Variants in NAGPA observed in about 807,000 individuals in gnomAD.
The protein encoded by NAGPA is alpha-N-acetylglucosaminyl phosphodiesterase.
Under a neutral mutation model 48.5 loss-of-function variants are expected in NAGPA, and 56 were observed. The observed-to-expected ratio is 1.15, with a 90% CI of 0.93 to 1.44. NAGPA has a LOEUF of 1.44. Among genes scored for constraint, NAGPA ranks in the 40% most tolerant of loss-of-function variants. NAGPA has a pLI of 0.00. For missense variants in NAGPA, 888 were observed against 735.0 expected (o/e 1.21, Z -2.41); for synonymous variants, 399 against 315.5 (o/e 1.26, Z -2.81).
In NAGPA at chr16:5,033,147, A is replaced by G; in HGVS notation, c.542+126T>C. 1.8e-6 allele frequency: 2 copies of G among 1,119,380 alleles called. No individual in the cohort carries two copies. Among genetic ancestry groups the G allele is most frequent in the Non-Finnish European group, 2.6e-6 (2 of 774,934 alleles). 69.3% of individuals were successfully genotyped at this position (1,119,380 alleles called of 1,614,324 possible). A position where few individuals can be genotyped will look rare whatever the true frequency, so the allele number is the denominator to read the frequency against. On this transcript the variant is annotated intron_variant, in intron 2 of 9. Coordinates refer to ENST00000312251, the MANE Select transcript of NAGPA (RefSeq NM_016256.4). This position sits in a 1 kb window ranked among gnomAD's most constrained non-coding sequence, Gnocchi z 4.2. ...TAAACTCTGCAAGGAAGCGATTCCT[A>G]TCCCCATTCTGCAGAGGAGGAAACA...
rs1179086029 is a variant in NAGPA at position 5,033,014 on chromosome 16, T to G, written c.542+259A>C. ...ACCCGGCTTTTGTTGATTTTTCTAG[T>G]AATGGGGGAGGGCTGTTAAGGCAAA... On this transcript the variant is annotated intron_variant, in intron 2 of 9. Transcript: ENST00000312251. This position sits in a 1 kb window ranked among gnomAD's most constrained non-coding sequence, Gnocchi z 4.2. 1 of 577,776 alleles carries G rather than the reference T, an allele frequency of 1.7e-6. No homozygotes were observed. Among genetic ancestry groups the G allele is most frequent in the Non-Finnish European group, 3.1e-6 (1 of 326,034 alleles). 35.8% of individuals were successfully genotyped at this position (577,776 alleles called of 1,614,324 possible). A position where few individuals can be genotyped will look rare whatever the true frequency, so the allele number is the denominator to read the frequency against.
rs745992348 is a variant in NAGPA, at chr16:5,033,410, G to T, written c.405C>A (p.Ala135=). Residue 135 remains alanine (A), a synonymous_variant, in exon 2 of 10, where the codon GCC becomes GCA. Coordinates refer to ENST00000312251, the MANE Select transcript of NAGPA (RefSeq NM_016256.4). The surrounding 1 kb of genome is among the most constrained non-coding windows in gnomAD (Gnocchi z 4.2). ...ETARAADCRV[A]QNGGFFRMNS... ...TCATGCGGAAGAAGCCGCCGTTCTGGGCGACACGGCAGTCGGCCGCCCGCG... is the reference window on the plus strand; with the variant it reads ...TCATGCGGAAGAAGCCGCCGTTCTGTGCGACACGGCAGTCGGCCGCCCGCG... The T allele has an allele frequency of 6.3e-7, 1 of 1,596,738 alleles. No homozygotes were observed. The highest frequency in any genetic ancestry group is 8.5e-7 in the Non-Finnish European group (1 of 1,179,242).
At chr16:5,031,268 T>C (rs1208159382) in intron 3 of NAGPA, 3 of 239,276 alleles carry the variant, frequency 1.3e-5, no homozygotes, top group Non-Finnish European at 2.5e-5. Context: ...TGGTATCCTG[T>C]CCCCATCCCA....
Position 5,027,835 on chromosome 16 carries a change from G to A in NAGPA, c.1174+11C>T, listed in dbSNP as rs908316307. ...CGTCTCCCCATCCGCTAGTGGCGTG[G>A]CAGCTCCTACCTTCACTGCAGTTGG... On this transcript the variant is annotated intron_variant, in intron 7 of 9. Transcript: ENST00000312251. 3.2e-6 allele frequency: 5 copies of A among 1,555,064 alleles called. No individual in the cohort carries two copies. The Admixed American group carries it at 9.7e-5, about 30-fold the overall frequency.
intron 4 of NAGPA, chr16:5,029,261 T>C: frequency 1.8e-6 from 1 of 542,186 alleles, no homozygotes; most frequent in Middle Eastern, 5.2e-4. Context: ...GTGCAGCCAC[T>C]GGAATCACAG....
Position 5,033,616 on chromosome 16 carries a change from G to C in NAGPA, c.199C>G (p.Pro67Ala), listed in dbSNP as rs779983941. Residue 67 changes from proline to alanine, a missense_variant, in exon 2 of 10, where the codon CCT (proline) becomes GCT (alanine). Physicochemically the swap from Pro to Ala is conservative, Grantham distance 27. Transcript: ENST00000312251. The surrounding 1 kb of genome is among the most constrained non-coding windows in gnomAD (Gnocchi z 4.2). ...CCGCCGGCGCCGGGAGTCGCGGGAGGCGGAGGCCAACTCTCGTGCTCGCGG... is the reference window on the plus strand; with the variant it reads ...CCGCCGGCGCCGGGAGTCGCGGGAGCCGGAGGCCAACTCTCGTGCTCGCGG... ...GNREHESWPP[P>A]PATPGAGGLA... 3.3e-6 allele frequency: 5 copies of C among 1,513,984 alleles called. No homozygotes were observed. In the African/African-American group the frequency reaches 4.3e-5, roughly 13 times the overall value. The allele number at this position is 1,513,984 out of a possible 1,614,324, so 93.8% of individuals were successfully genotyped here.
intron 2 of NAGPA, 134 bp from the exon 3 acceptor site, chr16:5,032,018 G>A (rs1488208177): frequency 1.7e-5 from 20 of 1,203,946 alleles, no homozygotes; most frequent in South Asian, 4.0e-5. Flanking sequence ...GGGCCTGAGT[G>A]TAGCTGGGAC....
chr16:5,032,870 G>T, intron 2 of NAGPA: 1 of 247,534 alleles, frequency 4.0e-6, no homozygotes, highest in Non-Finnish European at 7.8e-6. Flanking sequence ...CCACTCAAAG[G>T]TCACCTCGGA....
In NAGPA at chr16:5,028,999, C is replaced by A. The variant is rs758781029; in HGVS notation, c.801G>T (p.Leu267=). The part of the protein sequence containing the change: ...DGQTEQRGIN[L]WEMAEFLLKQ... ...TCAGCAGGAACTCCGCCATTTCCCACAGGTTGATGCTGCGGCACAAAGCGG... is the reference window on the plus strand; with the variant it reads ...TCAGCAGGAACTCCGCCATTTCCCAAAGGTTGATGCTGCGGCACAAAGCGG... Residue 267 remains leucine (L), a synonymous_variant, in exon 5 of 10, where the codon CTG becomes CTT. Coordinates refer to ENST00000312251, the MANE Select transcript of NAGPA (RefSeq NM_016256.4). The A allele has an allele frequency of 6.2e-7, 1 of 1,613,498 alleles. No homozygotes were observed. The highest frequency in any genetic ancestry group is 8.5e-7 in the Non-Finnish European group (1 of 1,180,036).
intron 7 of NAGPA, 52 bp downstream of exon 7, chr16:5,027,794 G>GGCT: frequency 6.5e-7 from 1 of 1,549,178 alleles, no homozygotes; most frequent in South Asian, 1.2e-5. Context: ...GAGCAGTGGG[G>GGCT]GCTGCCGGGG....
At chr16:5,030,811 C>A (rs1293652775) in intron 3 of NAGPA, among the ~76,000 whole-genome samples, 1 of 152,196 alleles carries the variant, frequency 6.6e-6, no homozygotes, top group Non-Finnish European at 1.5e-5. Flanking sequence ...TCCTGGGTGT[C>A]CCCTCACCAC....
chr16:5,033,769 G>C lies in NAGPA; in HGVS notation c.87-41C>G. On this transcript the variant is annotated intron_variant, in intron 1 of 9. Coordinates refer to ENST00000312251, the MANE Select transcript of NAGPA (RefSeq NM_016256.4). This position sits in a 1 kb window ranked among gnomAD's most constrained non-coding sequence, Gnocchi z 4.2. Reference sequence around the variant, plus strand: ...GCCGTGAGCTCAGGGGGCTGTCCTCGTGAGCTCGGAGGACAGGGGGGACCC... The same window carrying C: ...GCCGTGAGCTCAGGGGGCTGTCCTCCTGAGCTCGGAGGACAGGGGGGACCC... 3 of 1,586,388 alleles carry C rather than the reference G, an allele frequency of 1.9e-6. No homozygotes were observed. Among genetic ancestry groups the C allele is most frequent in the Non-Finnish European group, 2.6e-6 (3 of 1,167,448 alleles).
chr16:5,027,394 TGGGAGGAGGGAGGA>T lies in NAGPA; in HGVS notation c.1175-29_1175-16del. On this transcript the variant is annotated splice_polypyrimidine_tract_variant and intron_variant, in intron 7 of 9. Transcript: ENST00000312251. ...AAGGGGACACTCTATGGAAAGGAGA[TGGGAGGAGGGAGGA>T]GGGAGGAGAAAGGTTGGGGCCTCCA... 1 of 1,608,922 alleles carries T rather than the reference TGGGAGGAGGGAGGA, an allele frequency of 6.2e-7. No homozygotes were observed. The highest frequency in any genetic ancestry group is 8.5e-7 in the Non-Finnish European group (1 of 1,176,346).
intron 4 of NAGPA, chr16:5,030,097 T>C: frequency 1.9e-6 from 1 of 538,222 alleles, no homozygotes; most frequent in Non-Finnish European, 3.4e-6. Flanking sequence ...ATGGCTAAGC[T>C]GGGATTGGAA....
At chr16:5,029,275 T>G in intron 4 of NAGPA, 1 of 501,802 alleles carries the variant, frequency 2.0e-6, no homozygotes, top group Non-Finnish European at 3.6e-6. Flanking sequence ...ATCACAGGAG[T>G]GTTCAACACA....
rs148261996 is a variant in NAGPA, at chr16:5,030,084, T to G, written c.791+301A>C. 9.8e-5 allele frequency: 51 copies of G among 518,736 alleles called. No individual in the cohort carries two copies. The South Asian group carries it at 1.0e-3, about 10-fold the overall frequency. 32.1% of individuals were successfully genotyped at this position (518,736 alleles called of 1,614,324 possible). A position where few individuals can be genotyped will look rare whatever the true frequency, so the allele number is the denominator to read the frequency against. On this transcript the variant is annotated intron_variant, in intron 4 of 9. Transcript: ENST00000312251. The stretch of plus-strand genomic sequence containing the variant: ...ACGGCATAGGTGGGTAGACAAGTCA[T>G]CGATGGCTAAGCTGGGATTGGAACC...
At chr16:5,028,472 C>A (rs114905588) in intron 5 of NAGPA, 4 of 665,698 alleles carry the variant, frequency 6.0e-6, no homozygotes, top group East Asian at 3.2e-5. Flanking sequence ...TGGGCCCAAG[C>A]GAACCTCCCA....
chr16:5,030,772 C>G, intron 3 of NAGPA: 1 of 496,296 alleles, frequency 2.0e-6, no homozygotes, highest in Admixed American at 3.3e-5. Context: ...AGCATGCCCT[C>G]CCCAGCCTCT....
chr16:5,026,054 G>A (rs1308973617), intron 9 of NAGPA, among the ~76,000 whole-genome samples: 2 of 151,118 alleles, frequency 1.3e-5, no homozygotes, highest in Admixed American at 6.6e-5. Context: ...TTGGACTCCC[G>A]AGTAGCTGGG....
Sources: allele counts gnomAD v4.1 joint callset (sites outside exome capture counted in the v4.1 genomes callset), GRCh38; gene constraint gnomAD v4.1.1; non-coding constraint Gnocchi (gnomAD v3.1); transcripts MANE v1.5; gene names NCBI Gene and HGNC (gene_info 2026-07-23, HGNC 2026-07-21).